The following AZI2 variants were observed in gnomAD, a reference collection of about 807,000 sequenced individuals.
AZI2 encodes the protein 5-azacytidine induced 2, also known as 5-azacytidine-induced protein 2.
In AZI2, 22 loss-of-function variants were observed where a neutral mutation model predicts 45.8. The ratio of observed to expected loss-of-function variants is 0.48; its 90% confidence interval spans 0.34 to 0.69. The LOEUF is 0.69. Among genes scored for constraint, AZI2 ranks in the 30% least tolerant of loss-of-function variants. The probability of loss-of-function intolerance (pLI) is 0.01; values close to 1 mark genes in which losing one functional copy is unlikely to be tolerated. For missense variants in AZI2, 417 were observed against 441.5 expected (o/e 0.94, Z 0.50); for synonymous variants, 137 against 156.7 (o/e 0.87, Z 0.94).
chr3:28,345,004 T>C (rs1704170416), intron 1 of AZI2, among the ~76,000 whole-genome samples: 1 of 152,146 alleles, frequency 6.6e-6, no homozygotes, highest in South Asian at 2.1e-4. Context: ...TAAATTTTGC[T>C]TTTCCAAGGG....
At chr3:28,325,227 T>C (rs1172192939) in intron 7 of AZI2, 1 of 150,098 alleles carries the variant, frequency 6.7e-6, no homozygotes, top group Non-Finnish European at 1.5e-5. Flanking sequence ...AGCCAGCACA[T>C]TGGTAATACA....
intron 6 of AZI2, among the ~76,000 whole-genome samples, chr3:28,327,389 A>G (rs976635628): frequency 3.3e-5 from 5 of 151,056 alleles, no homozygotes; most frequent in Non-Finnish European, 7.4e-5. Flanking sequence ...GTGAATTGAA[A>G]TGATATATCA....
intron 1 of AZI2, among the ~76,000 whole-genome samples, chr3:28,346,189 C>T (rs1366745121): frequency 6.6e-6 from 1 of 152,068 alleles, no homozygotes; most frequent in Non-Finnish European, 1.5e-5. Flanking sequence ...TCAAAAAGAA[C>T]ACTTTCCCAG....
rs185712233 is a variant in AZI2, at chr3:28,338,073, A to G, written c.340-37T>C. 1.4e-5 allele frequency: 17 copies of G among 1,245,954 alleles called. No individual in the cohort carries two copies. In the East Asian group the frequency reaches 3.6e-4, roughly 26 times the overall value. 77.2% of individuals were successfully genotyped at this position (1,245,954 alleles called of 1,614,324 possible). Reference sequence around the variant, plus strand: ...GGGAAAATGCCAAATTACATTCAATAAAATCTACACGTTGGTATATTGTAA... The same window carrying G: ...GGGAAAATGCCAAATTACATTCAATGAAATCTACACGTTGGTATATTGTAA... On this transcript the variant is annotated intron_variant, in intron 3 of 7. Transcript: ENST00000479665.
At chr3:28,331,553 G>A in intron 6 of AZI2, 1 of 867,748 alleles carries the variant, frequency 1.2e-6, no homozygotes, top group Non-Finnish European at 1.4e-6. Context: ...AAGAGTGGCT[G>A]TATCTCATTT....
Position 28,324,177 on chromosome 3 carries a change from G to A in AZI2, c.1044C>T (p.Ser348=), listed in dbSNP as rs1703292694. The A allele has an allele frequency of 6.2e-7, 1 of 1,610,726 alleles. No individual in the cohort carries two copies. Among genetic ancestry groups the A allele is most frequent in the South Asian group, 1.1e-5 (1 of 90,998 alleles). Residue 348 remains serine, a synonymous_variant, in exon 8 of 8, where the codon TCC becomes TCT. Coordinates refer to ENST00000479665, the MANE Select transcript of AZI2 (RefSeq NM_022461.5). ...SYGRNSLEDN[S]WVFPSPPKSS... ...ATTTAGGAGGACTTGGAAATACCCA[G>A]GAATTGTCTTCCAGAGAATTTCTGC...
chr3:28,340,392 T>G lies in AZI2; in HGVS notation c.216+10A>C, dbSNP rs759765644. On this transcript the variant is annotated intron_variant, in intron 2 of 7. Transcript: ENST00000479665. Reference sequence around the variant, plus strand: ...TCACAAACGCAATGAAGGTAAAAGATAAAAATTACCTTTTCTTCCAAAAAT... The same window carrying G: ...TCACAAACGCAATGAAGGTAAAAGAGAAAAATTACCTTTTCTTCCAAAAAT... The G allele has an allele frequency of 1.3e-6, 2 of 1,523,252 alleles. No individual in the cohort carries two copies. The highest frequency in any genetic ancestry group is 2.3e-5 in the South Asian group (2 of 86,380). The allele number at this position is 1,523,252 out of a possible 1,614,324, so 94.4% of individuals were successfully genotyped here. A position where few individuals can be genotyped will look rare whatever the true frequency, so the allele number is the denominator to read the frequency against.
At chr3:28,332,177 C>T (rs377139918) in intron 6 of AZI2, among the ~76,000 whole-genome samples, 192 bp downstream of exon 6, 2 of 151,536 alleles carry the variant, frequency 1.3e-5, no homozygotes, top group African/African-American at 4.8e-5. Flanking sequence ...TTTTGTATTA[C>T]TTAAATTCAA....
At chr3:28,338,109 G>A in intron 3 of AZI2, 73 bp from the exon 4 acceptor site, 1 of 810,790 alleles carries the variant, frequency 1.2e-6, no homozygotes, top group Non-Finnish European at 1.8e-6. Context: ...TTTTCAGGAA[G>A]ATACTGAAAA....
intron 7 of AZI2, 88 bp from the exon 8 acceptor site, chr3:28,324,542 A>G (rs1029030866): frequency 7.9e-5 from 94 of 1,194,566 alleles, no homozygotes; most frequent in Non-Finnish European, 1.0e-4. Context: ...GAATTCTAGA[A>G]CTGGTGATGA....
chr3:28,324,806 T>C (rs760748005), intron 7 of AZI2: 2 of 170,064 alleles, frequency 1.2e-5, no homozygotes, highest in Non-Finnish European at 2.5e-5. Flanking sequence ...AAAATACAAA[T>C]AAAGATCCTG....
rs1002451084 is a variant in AZI2 at position 28,322,468 on chromosome 3, A to G, written c.*1574T>C. The G allele has an allele frequency of 6.6e-6, 1 of 151,656 alleles. No individual in the cohort carries two copies. 9.4% of individuals were successfully genotyped at this position (151,656 alleles called of 1,614,324 possible). A position where few individuals can be genotyped will look rare whatever the true frequency, so the allele number is the denominator to read the frequency against. On this transcript the variant is annotated 3_prime_UTR_variant, in exon 8 of 8. Coordinates refer to ENST00000479665, the MANE Select transcript of AZI2 (RefSeq NM_022461.5). ...TTTTCTTTACAAAGGAAAATTTCCAATTTTGGTTTTAAAAAAGGCAAACCA... is the reference window on the plus strand; with the variant it reads ...TTTTCTTTACAAAGGAAAATTTCCAGTTTTGGTTTTAAAAAAGGCAAACCA...
In AZI2 at chr3:28,336,724, A is replaced by G. The variant is rs2125654544; in HGVS notation, c.588+13T>C. ...AAAATACTGAAATTCTCAATTTAAT[A>G]ATTCTGTAATACCGTTTGTTTGGCT... On this transcript the variant is annotated intron_variant, in intron 5 of 7. Transcript: ENST00000479665. 1.9e-6 allele frequency: 3 copies of G among 1,607,326 alleles called. No individual in the cohort carries two copies. The highest frequency in any genetic ancestry group is 3.3e-4 in the Middle Eastern group (2 of 6,024).
intron 6 of AZI2, chr3:28,331,781 AC>A: frequency 1.3e-6 from 2 of 1,513,588 alleles, no homozygotes; most frequent in Non-Finnish European, 1.8e-6. Context: ...AGCTTAAAAC[AC>A]AGAATTGAAG....
At chr3:28,334,300 T>C (rs993890678) in intron 5 of AZI2, among the ~76,000 whole-genome samples, 3 of 151,924 alleles carry the variant, frequency 2.0e-5, no homozygotes, top group Non-Finnish European at 2.9e-5. Context: ...GGCTAGAGTA[T>C]TGTGAACATA....
intron 5 of AZI2, among the ~76,000 whole-genome samples, chr3:28,334,724 C>T (rs1325498762): frequency 6.6e-6 from 1 of 151,776 alleles, no homozygotes; most frequent in Non-Finnish European, 1.5e-5. Context: ...CAAATTTATT[C>T]CCTAGCACCA....
chr3:28,329,977 C>T (rs553199005), intron 6 of AZI2, among the ~76,000 whole-genome samples: 2 of 151,388 alleles, frequency 1.3e-5, no homozygotes, highest in Admixed American at 1.3e-4. Flanking sequence ...ACTAAGGAAA[C>T]ACAGAAGAGC....
Position 28,324,103 on chromosome 3 carries a change from G to A in AZI2, c.1118C>T (p.Pro373Leu), listed in dbSNP as rs1703287720. 1 of 1,610,008 alleles carries A rather than the reference G, an allele frequency of 6.2e-7. No homozygotes were observed. The highest frequency in any genetic ancestry group is 1.3e-5 in the African/African-American group (1 of 74,546). The change falls in exon 8 of 8, where the codon CCC (proline) becomes CTC (leucine). Residue 373 changes from proline (P) to leucine (L), a missense_variant. Physicochemically the swap from Pro to Leu is moderately conservative, Grantham distance 98 (BLOSUM62 -3). Coordinates refer to ENST00000479665, the MANE Select transcript of AZI2 (RefSeq NM_022461.5). ...CAAGTAATGCAGTGGTGGAAGGTTG[G>A]GTAAAGGCAAAGTTTTAGTTTTAGT... Reference protein sequence around the residue: ...GETKTKTLPLPNLPPLHYLDQ... With the variant: ...GETKTKTLPLLNLPPLHYLDQ...
intron 5 of AZI2, among the ~76,000 whole-genome samples, chr3:28,334,911 G>A (rs554576094): frequency 2.0e-5 from 3 of 151,884 alleles, no homozygotes; most frequent in Non-Finnish European, 4.4e-5. Flanking sequence ...ATTAAGTCCT[G>A]TAAGCATGAT....
Sources: gnomAD v4.1 joint callset for allele counts (sites outside exome capture counted in the v4.1 genomes callset) on GRCh38, gnomAD v4.1.1 for gene constraint, MANE v1.5 for transcripts, NCBI Gene and HGNC (gene_info 2026-07-23, HGNC 2026-07-21) for gene names.